The following PTOV1 variants were observed in gnomAD, a reference collection of about 807,000 sequenced individuals.
PTOV1 encodes the protein PTOV1 extended AT-hook containing adaptor protein, also known as prostate tumor-overexpressed gene 1 protein.
A neutral mutation model predicts 58.0 loss-of-function variants in PTOV1; 20 were observed. The ratio of observed to expected loss-of-function variants is 0.34; its 90% CI spans 0.24 to 0.50. PTOV1 has a LOEUF of 0.50. Ranked by LOEUF, PTOV1 falls within the 20% of genes least tolerant of loss-of-function variation. The probability of loss-of-function intolerance (pLI) is 0.98; values close to 1 mark genes in which losing one functional copy is unlikely to be tolerated. For synonymous variants in PTOV1, 335 were observed against 234.2 expected (o/e 1.43, Z -3.93); for missense variants, 593 against 565.4 (o/e 1.05, Z -0.50).
chr19:49,859,052 A>G, intron 10 of PTOV1: 1 of 166,086 alleles, frequency 6.0e-6, no homozygotes, highest in Non-Finnish European at 1.3e-5. Context: ...TATCTGGGGG[A>G]GGCTCAGCTG....
chr19:49,860,740 C>T (rs761051653), downstream of PTOV1: 11 of 291,604 alleles, frequency 3.8e-5, no homozygotes, highest in Admixed American at 1.5e-4. Context: ...TTTTAAAAAC[C>T]TGCCTGCCTT....
intron 1 of PTOV1, 61 bp from the exon 2 acceptor site, chr19:49,854,345 G>GA (rs2122196205): frequency 6.4e-7 from 1 of 1,564,136 alleles, no homozygotes. Flanking sequence ...GGTGTGTGGG[G>GA]ACTGCCTGTC....
intron 6 of PTOV1, 75 bp downstream of exon 6, chr19:49,857,205 T>A: frequency 1.9e-6 from 3 of 1,567,346 alleles, no homozygotes; most frequent in Non-Finnish European, 2.6e-6. Flanking sequence ...GCAGCCAGAC[T>A]TGGTGTGGGC....
intron 5 of PTOV1, chr19:49,856,740 A>T (rs891061152): frequency 7.7e-6 from 4 of 522,298 alleles, no homozygotes; most frequent in African/African-American, 5.8e-5. Context: ...TGGCATTCTC[A>T]CCGCAGCCTG....
intron 9 of PTOV1, chr19:49,858,340 C>T (rs2074574502): frequency 5.7e-6 from 4 of 696,120 alleles, no homozygotes; most frequent in African/African-American, 1.8e-5. Flanking sequence ...GCAGCCACGA[C>T]CTGCACCTGG....
rs570399878 is a variant in PTOV1, at chr19:49,857,993, G to C, written c.878+16G>C. 18 of 1,613,126 alleles carry C rather than the reference G, an allele frequency of 1.1e-5. No homozygotes were observed. The highest frequency in any genetic ancestry group is 6.6e-5 in the South Asian group (6 of 90,982). On this transcript the variant is annotated intron_variant, in intron 8 of 11. Transcript: ENST00000391842. ...GGGAGATCCTGTGAGTGCTGGGCTGGGGGGTGGAGGCAGCATCCAGGGGAG... is the reference window on the plus strand; with the variant it reads ...GGGAGATCCTGTGAGTGCTGGGCTGCGGGGTGGAGGCAGCATCCAGGGGAG...
intron 5 of PTOV1, 73 bp from the exon 6 acceptor site, chr19:49,856,902 G>A (rs1420042417): frequency 1.9e-6 from 3 of 1,565,148 alleles, no homozygotes; most frequent in Non-Finnish European, 2.6e-6. Flanking sequence ...CCTACAGGTG[G>A]GGCGGTCCAG....
At chr19:49,854,435 T>G in exon 2 of PTOV1, 1 of 1,611,560 alleles carries the variant, frequency 6.2e-7, no homozygotes, top group Non-Finnish European at 8.5e-7. Context: ...GGGCACTGGG[T>G]CCCATCGGTC....
chr19:49,857,328 G>A, intron 6 of PTOV1, 198 bp downstream of exon 6: 1 of 749,644 alleles, frequency 1.3e-6, no homozygotes. Context: ...CTGCAGGGCT[G>A]GAGGGTGGGT....
intron 9 of PTOV1, chr19:49,858,341 C>G (rs938329240): frequency 1.4e-6 from 1 of 696,448 alleles, no homozygotes; most frequent in Non-Finnish European, 2.4e-6. Context: ...CAGCCACGAC[C>G]TGCACCTGGG....
intron 1 of PTOV1, chr19:49,852,758 G>A (rs1243456412): frequency 6.6e-6 from 1 of 152,122 alleles, no homozygotes; most frequent in Non-Finnish European, 1.5e-5. Flanking sequence ...GCGTTCTCCT[G>A]ACTTTTACCC....
Position 49,858,978 on chromosome 19 carries a change from C to T in PTOV1, c.1041+325C>T, listed in dbSNP as rs143938887. On this transcript the variant is annotated intron_variant, in intron 10 of 11. Transcript: ENST00000391842. ...GGGAGCTTGTGCCACATCCCAAAGG[C>T]CCATTGCTGGGCAGGGAGGGCTGTC... 6.2e-3 allele frequency: 1,515 copies of T among 243,884 alleles called. 20 individuals carry two copies. Among genetic ancestry groups the T allele is most frequent in the African/African-American group, 0.031 (1,419 of 45,288 alleles). The allele number at this position is 243,884 out of a possible 1,614,324, so 15.1% of individuals were successfully genotyped here.
At chr19:49,860,389 GTGGGGT>G in exon 12 of PTOV1, 1 of 1,203,044 alleles carries the variant, frequency 8.3e-7, no homozygotes, top group Non-Finnish European at 1.2e-6. Context: ...TGTGGGGGGG[GTGGGGT>G]TGGGAAAGAA....
At chr19:49,850,944 C>A, upstream of PTOV1, 1 of 1,535,826 alleles carries the variant, frequency 6.5e-7, no homozygotes, top group South Asian at 1.2e-5. Flanking sequence ...CGTTCTTCTG[C>A]CACCCCATTC....
At chr19:49,858,454 C>CA (rs2074580481) in intron 9 of PTOV1, 95 bp from the exon 10 acceptor site, 2 of 963,252 alleles carry the variant, frequency 2.1e-6, no homozygotes, top group African/African-American at 3.2e-5. Context: ...AGGGGAGTCT[C>CA]AGTTTGGTCC....
At position 49,857,743 on chromosome 19, in the gene PTOV1, CAA is replaced by C; in HGVS notation, c.766_767del (p.Lys256ValfsTer16). ...CAGGCCCAGTCCAGATCGTCAACAA[CAA>C]GTTTCTGGCATGGAGTGGTGTCATG... On this transcript the variant is annotated frameshift_variant, in exon 7 of 12. Transcript: ENST00000391842. LOFTEE classifies it high-confidence loss of function. 2 of 1,614,170 alleles carry C rather than the reference CAA, an allele frequency of 1.2e-6. No homozygotes were observed. The highest frequency in any genetic ancestry group is 1.7e-6 in the Non-Finnish European group (2 of 1,179,994).
intron 9 of PTOV1, 125 bp downstream of exon 9, chr19:49,858,239 G>A (rs1231095133): frequency 1.6e-6 from 2 of 1,255,506 alleles, no homozygotes; most frequent in Non-Finnish European, 2.2e-6. Context: ...TGAGGGTGCT[G>A]AAGCAGGTGT....
chr19:49,857,862 G>T lies in PTOV1; in HGVS notation c.805-42G>T, dbSNP rs375050523. 4 of 1,612,024 alleles carry T rather than the reference G, an allele frequency of 2.5e-6. No homozygotes were observed. In the African/African-American group the frequency reaches 4.0e-5, roughly 16 times the overall value. ...CTGGGAGGGGACACTGGCATTGGGG[G>T]TCTCCAGCCCTGAGGGCTCCTCTTT... On this transcript the variant is annotated intron_variant, in intron 7 of 11. Coordinates refer to ENST00000391842, the Ensembl canonical transcript of PTOV1.
chr19:49,860,240 AC>A, intron 11 of PTOV1, 27 bp from the exon 12 acceptor site: 1 of 1,613,548 alleles, frequency 6.2e-7, no homozygotes, highest in Non-Finnish European at 8.5e-7. Context: ...CTGCCTGCTC[AC>A]CACTGGCCTC....
Sources: gnomAD v4.1 joint callset for allele counts on GRCh38, gnomAD v4.1.1 for gene constraint, MANE v1.5 for transcripts, NCBI Gene and HGNC (gene_info 2026-07-23, HGNC 2026-07-21) for gene names.